The following ZNF69 variants were observed in gnomAD, a reference collection of about 807,000 sequenced individuals.
The protein encoded by ZNF69 is zinc finger protein 69, also known as ZNF3.
ZNF69 carries 47 observed loss-of-function variants against 50.9 expected under a neutral mutation model. The observed-to-expected ratio is 0.92, with a 90% CI of 0.73 to 1.18. ZNF69 has a LOEUF of 1.18. Ranked by LOEUF, ZNF69 falls within the 50% of genes most tolerant of loss-of-function variation. The pLI is 0.00. For missense variants in ZNF69, 717 were observed against 675.1 expected, an observed-to-expected ratio of 1.06 and a Z score of -0.69; for synonymous variants, 216 against 223.1, an observed-to-expected ratio of 0.97 and a Z score of 0.29.
At chr19:11,897,754 C>A (rs1338151800) in intron 1 of ZNF69, among the ~76,000 whole-genome samples, 3 of 151,156 alleles carry the variant, frequency 2.0e-5, no homozygotes, top group Non-Finnish European at 4.4e-5. Flanking sequence ...CGCCTGTAGT[C>A]CCAGCTACTC....
chr19:11,949,036 C>A, the ZNF69 span: 1 of 1,607,294 alleles, frequency 6.2e-7, no homozygotes. Flanking sequence ...TGAATGTAAG[C>A]AATATGGGGA....
At chr19:11,962,863 A>T in the ZNF69 span, among the ~76,000 whole-genome samples, 511 of 152,206 alleles carry the variant, frequency 3.4e-3, 5 homozygotes, top group African/African-American at 0.012. Flanking sequence ...TCCTCCTCCC[A>T]TCCTCCCTGA....
At chr19:11,958,661 C>T in the ZNF69 span, among the ~76,000 whole-genome samples, 1 of 152,184 alleles carries the variant, frequency 6.6e-6, no homozygotes, top group African/African-American at 2.4e-5. Flanking sequence ...TTCCCTCACA[C>T]ACTGCCTAGG....
chr19:11,978,694 A>G, the ZNF69 span: 4 of 1,614,094 alleles, frequency 2.5e-6, no homozygotes, highest in Non-Finnish European at 3.4e-6. Flanking sequence ...AAGCCTTATG[A>G]ATGTCAGCAA....
At chr19:11,976,525 C>T in the ZNF69 span, among the ~76,000 whole-genome samples, 1 of 143,828 alleles carries the variant, frequency 7.0e-6, no homozygotes, top group Non-Finnish European at 1.5e-5. Flanking sequence ...CACTGCACTC[C>T]AGCCTGGGCA....
chr19:11,906,830 C>T (rs959836278), downstream of ZNF69, among the ~76,000 whole-genome samples: 2 of 152,188 alleles, frequency 1.3e-5, no homozygotes, highest in African/African-American at 4.8e-5. Flanking sequence ...TTGACTTTGA[C>T]GAGCTGAGAG....
the ZNF69 span, among the ~76,000 whole-genome samples, chr19:11,934,837 C>A: frequency 1.4e-5 from 2 of 147,502 alleles, 1 homozygote; most frequent in African/African-American, 5.3e-5. Flanking sequence ...GTTTTCATTT[C>A]GCTCTTTAAT....
chr19:11,978,758 C>A, the ZNF69 span: 4 of 1,613,944 alleles, frequency 2.5e-6, no homozygotes, highest in East Asian at 8.9e-5. Flanking sequence ...AAAGAACCCA[C>A]ACTGGGGGAA....
chr19:11,965,356 C>T, the ZNF69 span: 71,976 of 1,146,836 alleles, frequency 0.063, 4,590 homozygotes, highest in African/African-American at 0.31. Flanking sequence ...GCCCTCGGTC[C>T]CCTCGGCCGC....
chr19:11,932,358 GAC>G, the ZNF69 span, among the ~76,000 whole-genome samples: 1 of 147,070 alleles, frequency 6.8e-6, no homozygotes, highest in Non-Finnish European at 1.5e-5. Context: ...AAAAAGAAAA[GAC>G]ACAAAAAAAT....
At chr19:11,899,956 T>C (rs1379191645) in intron 1 of ZNF69, among the ~76,000 whole-genome samples, 1 of 151,468 alleles carries the variant, frequency 6.6e-6, no homozygotes, top group African/African-American at 2.4e-5. Context: ...TTTGTTTTCC[T>C]TTTTTTTTCC....
At chr19:11,961,958 C>CACACAT in the ZNF69 span, among the ~76,000 whole-genome samples, 1 of 144,838 alleles carries the variant, frequency 6.9e-6, no homozygotes, top group Non-Finnish European at 1.5e-5. Context: ...CACACACACA[C>CACACAT]ATATATATTG....
At chr19:11,943,001 T>G in the ZNF69 span, among the ~76,000 whole-genome samples, 2 of 152,344 alleles carry the variant, frequency 1.3e-5, no homozygotes, top group South Asian at 4.1e-4. Context: ...TAGTGGTTAA[T>G]GTAATACACT....
At chr19:11,921,105 A>G in the ZNF69 span, among the ~76,000 whole-genome samples, 1 of 152,168 alleles carries the variant, frequency 6.6e-6, no homozygotes. Flanking sequence ...GGTCTCAAAC[A>G]TTGGACTCAG....
At chr19:11,924,585 T>C in the ZNF69 span, among the ~76,000 whole-genome samples, 1 of 152,212 alleles carries the variant, frequency 6.6e-6, no homozygotes, top group Non-Finnish European at 1.5e-5. Flanking sequence ...GAGAGTTTCC[T>C]GCTGGTGAAA....
intron 1 of ZNF69, among the ~76,000 whole-genome samples, chr19:11,900,587 G>A (rs1286897076): frequency 3.3e-5 from 5 of 151,904 alleles, no homozygotes; most frequent in Non-Finnish European, 7.4e-5. Flanking sequence ...TCCTGACTTC[G>A]GTGATCCACC....
chr19:11,961,499 G>A, the ZNF69 span, among the ~76,000 whole-genome samples: 7 of 152,150 alleles, frequency 4.6e-5, no homozygotes, highest in Admixed American at 4.6e-4. Flanking sequence ...GGATCTACCT[G>A]GAATGTCTCC....
the ZNF69 span, chr19:11,925,314 C>T: frequency 6.2e-7 from 1 of 1,605,696 alleles, no homozygotes. Context: ...GGGGGAGGGG[C>T]TGCCTGGAAC....
chr19:11,905,887 A>C lies in ZNF69; in HGVS notation c.1490A>C (p.Glu497Ala). The C allele has an allele frequency of 3.7e-6, 6 of 1,613,882 alleles. No individual in the cohort carries two copies. The highest frequency in any genetic ancestry group is 5.1e-6 in the Non-Finnish European group (6 of 1,179,960). Residue 497 changes from glutamate (E) to alanine (A), a missense_variant, in exon 4 of 4, where the codon GAA (glutamate) becomes GCA (alanine). Coordinates refer to ENST00000429654, the MANE Select transcript of ZNF69 (RefSeq NM_001364730.1). ...FYCPKSLQRHEKTHTGEKLYE... is the reference protein window; with the variant it reads ...FYCPKSLQRHAKTHTGEKLYE... ...TGTCCCAAATCATTGCAAAGACATGAAAAAACTCACACTGGAGAGAAACTC... is the reference window on the plus strand; with the variant it reads ...TGTCCCAAATCATTGCAAAGACATGCAAAAACTCACACTGGAGAGAAACTC...
Sources: allele counts gnomAD v4.1 joint callset (sites outside exome capture counted in the v4.1 genomes callset), GRCh38; gene constraint gnomAD v4.1.1; transcripts MANE v1.5; gene names NCBI Gene and HGNC (gene_info 2026-07-23, HGNC 2026-07-21).